SDHAF3: variants seen among roughly 807,000 people sequenced by gnomAD.
SDHAF3 encodes succinate dehydrogenase complex assembly factor 3, also known as succinate dehydrogenase assembly factor 3, mitochondrial.
In SDHAF3, 18 loss-of-function variants were observed where a neutral mutation model predicts 11.5. That is an observed-to-expected ratio of 1.56 (90% CI 1.08 to 2.32). SDHAF3 has a LOEUF of 2.32. Among genes scored for constraint, SDHAF3 ranks in the 30% most tolerant of loss-of-function variants. SDHAF3 has a pLI of 0.00. For synonymous variants in SDHAF3, 72 were observed against 59.3 expected (o/e 1.21, Z -0.99); for missense variants, 200 against 154.4 (o/e 1.30, Z -1.57).
chr7:97,166,035 T>C (rs868039209), intron 1 of SDHAF3, among the ~76,000 whole-genome samples: 1 of 152,162 alleles, frequency 6.6e-6, no homozygotes, highest in Non-Finnish European at 1.5e-5. Flanking sequence ...CTCAACAATA[T>C]GACATTTGAA....
chr7:97,132,751 G>A (rs1584211818), intron 1 of SDHAF3, among the ~76,000 whole-genome samples: 1 of 152,122 alleles, frequency 6.6e-6, no homozygotes, highest in East Asian at 1.9e-4. Flanking sequence ...ATCAGGGAGG[G>A]TGGAAGACAG....
intron 1 of SDHAF3, among the ~76,000 whole-genome samples, chr7:97,134,256 T>A (rs1035899835): frequency 4.6e-5 from 7 of 152,152 alleles, no homozygotes; most frequent in Admixed American, 4.6e-4. Context: ...AAAAGTAACA[T>A]GTTTATTGCC....
At chr7:97,177,501 CAA>C (rs548762639) in intron 1 of SDHAF3, among the ~76,000 whole-genome samples, 1 of 147,124 alleles carries the variant, frequency 6.8e-6, no homozygotes. Flanking sequence ...GACTCCGTCT[CAA>C]AAAAAAAATA....
intron 1 of SDHAF3, among the ~76,000 whole-genome samples, chr7:97,129,652 T>TG (rs1163685773): frequency 2.6e-5 from 4 of 152,150 alleles, no homozygotes; most frequent in African/African-American, 9.7e-5. Context: ...TTGATACTGA[T>TG]GCAGGATTTT....
chr7:97,147,447 C>G (rs1457111366), intron 1 of SDHAF3, among the ~76,000 whole-genome samples: 1 of 152,094 alleles, frequency 6.6e-6, no homozygotes, highest in Non-Finnish European at 1.5e-5. Context: ...TAAATAATTC[C>G]TACTGATTTG....
At chr7:97,166,968 C>T (rs1477612264) in intron 1 of SDHAF3, among the ~76,000 whole-genome samples, 2 of 151,934 alleles carry the variant, frequency 1.3e-5, no homozygotes, top group African/African-American at 4.8e-5. Context: ...TCACTCAGGG[C>T]ATCAAAATAC....
chr7:97,142,957 T>A (rs549136534), intron 1 of SDHAF3: 1 of 147,200 alleles, frequency 6.8e-6, no homozygotes, highest in South Asian at 2.2e-4. Context: ...AGTGCAGTGG[T>A]GTGATCTTGG....
chr7:97,166,733 G>T (rs932523157), intron 1 of SDHAF3, among the ~76,000 whole-genome samples: 8 of 148,194 alleles, frequency 5.4e-5, no homozygotes, highest in Non-Finnish European at 6.0e-5. Context: ...AAGAGAAGGG[G>T]CCAGTTAGTT....
chr7:97,174,120 T>A (rs977558125), intron 1 of SDHAF3, among the ~76,000 whole-genome samples: 5 of 151,972 alleles, frequency 3.3e-5, no homozygotes, highest in African/African-American at 1.2e-4. Flanking sequence ...GGTTTCACCA[T>A]GTTGGCCAGG....
At chr7:97,119,432 C>T (rs1173716119) in intron 1 of SDHAF3, among the ~76,000 whole-genome samples, 1 of 152,070 alleles carries the variant, frequency 6.6e-6, no homozygotes, top group Non-Finnish European at 1.5e-5. Flanking sequence ...GTTAGTTGAC[C>T]TAGTAGGCTT....
At chr7:97,132,326 TAAATG>T (rs1171258277) in intron 1 of SDHAF3, among the ~76,000 whole-genome samples, 1 of 152,172 alleles carries the variant, frequency 6.6e-6, no homozygotes, top group African/African-American at 2.4e-5. Flanking sequence ...TTGAGTTTTG[TAAATG>T]AAATAAATGA....
intron 1 of SDHAF3, among the ~76,000 whole-genome samples, chr7:97,175,951 T>G (rs1157127311): frequency 1.3e-5 from 2 of 152,188 alleles, no homozygotes; most frequent in South Asian, 4.1e-4. Flanking sequence ...TCCACATCTT[T>G]CAGCTTCTGG....
chr7:97,118,184 A>T (rs1273085504), intron 1 of SDHAF3, among the ~76,000 whole-genome samples: 2 of 152,156 alleles, frequency 1.3e-5, no homozygotes, highest in Admixed American at 6.5e-5. Flanking sequence ...AGTCGTCGTT[A>T]AGTGCTCAAA....
Position 97,122,553 on chromosome 7 carries a change from T to C in SDHAF3, c.174+4656T>C, listed in dbSNP as rs556963295. On this transcript the variant is annotated intron_variant, in intron 1 of 1. Coordinates refer to ENST00000432641, the MANE Select transcript of SDHAF3 (RefSeq NM_020186.3). ...GTAGAGTGGAACTTGACTTGTTGACTAATACAGTATTAGTGAAGGAGAAGA... is the reference window on the plus strand; with the variant it reads ...GTAGAGTGGAACTTGACTTGTTGACCAATACAGTATTAGTGAAGGAGAAGA... Among the ~76,000 whole-genome samples the C allele has an allele frequency of 7.2e-5, 11 of 152,096 alleles. No individual in the cohort carries two copies. The South Asian group carries it at 2.1e-3, about 29-fold the overall frequency.
At chr7:97,171,848 G>T (rs1196979536) in intron 1 of SDHAF3, among the ~76,000 whole-genome samples, 2 of 152,056 alleles carry the variant, frequency 1.3e-5, no homozygotes, top group Non-Finnish European at 2.9e-5. Context: ...TACTAGATAT[G>T]TGATTAAACA....
At chr7:97,180,275 A>G (rs574433504) in intron 1 of SDHAF3, among the ~76,000 whole-genome samples, 1 of 152,344 alleles carries the variant, frequency 6.6e-6, no homozygotes, top group African/African-American at 2.4e-5. Context: ...GATGTGTTAC[A>G]TGTCACCGTG....
intron 1 of SDHAF3, among the ~76,000 whole-genome samples, chr7:97,120,110 G>C (rs1265009786): frequency 6.6e-6 from 1 of 152,114 alleles, no homozygotes; most frequent in African/African-American, 2.4e-5. Context: ...GATGGATTTT[G>C]CCATTGTGTT....
At chr7:97,169,637 T>A (rs76841106) in intron 1 of SDHAF3, among the ~76,000 whole-genome samples, 16,242 of 152,138 alleles carry the variant, frequency 0.11, 877 homozygotes, top group Middle Eastern at 0.16. Flanking sequence ...ATAATTTTTT[T>A]AAATATAGAA....
chr7:97,141,179 C>G (rs975623409), intron 1 of SDHAF3, among the ~76,000 whole-genome samples: 4 of 152,146 alleles, frequency 2.6e-5, no homozygotes, highest in Non-Finnish European at 5.9e-5. Context: ...TGTCTGCTCT[C>G]AAACACTGTC....
Sources: gnomAD v4.1 joint callset for allele counts (sites outside exome capture counted in the v4.1 genomes callset) on GRCh38, gnomAD v4.1.1 for gene constraint, MANE v1.5 for transcripts, NCBI Gene and HGNC (gene_info 2026-07-23, HGNC 2026-07-21) for gene names.